SVIL: variants seen among roughly 807,000 people sequenced by gnomAD.
SVIL encodes the protein supervillin.
Under a neutral mutation model 240.4 loss-of-function variants are expected in SVIL, and 101 were observed. That is an observed-to-expected ratio of 0.42 (90% CI 0.36 to 0.50). SVIL has a LOEUF of 0.50. Among genes scored for constraint, SVIL ranks in the 20% least tolerant of loss-of-function variants. The pLI is 0.01. For synonymous variants in SVIL, 999 were observed against 1,100.0 expected, an observed-to-expected ratio of 0.91 and a Z score of 1.82; for missense variants, 2,512 against 2,818.7, an observed-to-expected ratio of 0.89 and a Z score of 2.46.
intron 13 of SVIL, among the ~76,000 whole-genome samples, chr10:29,526,011 C>T (rs540877932): frequency 6.6e-6 from 1 of 152,236 alleles, no homozygotes; most frequent in South Asian, 2.1e-4. Context: ...TTAGCTTTTG[C>T]GGTTTGGCTC....
At chr10:29,585,763 G>A (rs1956140762) in intron 1 of SVIL, among the ~76,000 whole-genome samples, 1 of 152,190 alleles carries the variant, frequency 6.6e-6, no homozygotes, top group Non-Finnish European at 1.5e-5. Context: ...TGGAGGGAGG[G>A]GAGAACTGAA....
At chr10:29,514,751 T>G (rs1950096073) in intron 16 of SVIL, among the ~76,000 whole-genome samples, 1 of 152,186 alleles carries the variant, frequency 6.6e-6, no homozygotes, top group African/African-American at 2.4e-5. Flanking sequence ...ATCTCGGTTC[T>G]CCCTCCTATA....
intron 1 of SVIL, among the ~76,000 whole-genome samples, chr10:29,599,475 G>A (rs1263006675): frequency 1.3e-5 from 2 of 152,024 alleles, no homozygotes; most frequent in Non-Finnish European, 2.9e-5. Context: ...GAGTGCAGAG[G>A]CATGATCTCA....
chr10:29,462,276 C>CCAT lies in SVIL; in HGVS notation c.6400_6402dup (p.Met2134dup), dbSNP rs1944352973. 1 of 1,613,868 alleles carries CCAT rather than the reference C, an allele frequency of 6.2e-7. No homozygotes were observed. Among genetic ancestry groups the CCAT allele is most frequent in the Non-Finnish European group, 8.5e-7 (1 of 1,179,930 alleles). On this transcript the variant is annotated inframe_insertion and splice_region_variant. Coordinates refer to ENST00000355867, the MANE Select transcript of SVIL (RefSeq NM_021738.3). ...TTCATAGGGCAGGAAAGCGTGCTCA[C>CCAT]CATCTCTGTGATCTCAGCGATGTCC...
rs1056557374 is a variant in SVIL, at chr10:29,559,232, C to T, written c.-51+3969G>A. 6.6e-4 allele frequency among the ~76,000 whole-genome samples: 100 copies of T among 151,986 alleles called. 1 individual carries two copies. Among genetic ancestry groups the T allele is most frequent in the Non-Finnish European group, 1.9e-4 (13 of 67,972 alleles). The stretch of plus-strand genomic sequence containing the variant: ...CAAAAAAATTTTTTGTAATATCAGA[C>T]GTACAGAAAATGTAAGAGATATCCT... On this transcript the variant is annotated intron_variant, in intron 3 of 37. Transcript: ENST00000355867.
intron 17 of SVIL, chr10:29,507,754 A>G: frequency 1.0e-6 from 1 of 985,326 alleles, no homozygotes; most frequent in Non-Finnish European, 1.2e-6. Context: ...ATCGACACAA[A>G]AGACAGGTAT....
At chr10:29,733,002 G>A (rs536138284) in intron 1 of SVIL, among the ~76,000 whole-genome samples, 71 of 152,216 alleles carry the variant, frequency 4.7e-4, no homozygotes, top group African/African-American at 1.2e-3. Context: ...GGAGCTCCTT[G>A]TAAACTCCTT....
At position 29,529,761 on chromosome 10, in the gene SVIL, C is replaced by T; in HGVS notation, c.2190G>A (p.Leu730=). The change falls in exon 12 of 38, where the codon CTG becomes CTA. Residue 730 remains leucine (L), a synonymous_variant. Transcript: ENST00000355867. ...TGGGCTGGGTGAGGGACCTGTCCTG[C>T]AGACGGCGTAGCCTCTGCTCCACAG... ...NTAVEQRLRR[L]QDRSLTQPIT... is the part of the protein sequence containing the mutation. 6.2e-7 allele frequency: 1 copy of T among 1,613,768 alleles called. No individual in the cohort carries two copies. The highest frequency in any genetic ancestry group is 8.5e-7 in the Non-Finnish European group (1 of 1,179,866).
Position 29,488,764 on chromosome 10 carries a change from C to G in SVIL, c.4193-8G>C, listed in dbSNP as rs576095477. 7 of 1,609,424 alleles carry G rather than the reference C, an allele frequency of 4.3e-6. No homozygotes were observed. Among genetic ancestry groups the G allele is most frequent in the Admixed American group, 3.4e-5 (2 of 59,124 alleles). On this transcript the variant is annotated splice_region_variant and splice_polypyrimidine_tract_variant and intron_variant, in intron 22 of 37. Transcript: ENST00000355867. ...AGTTGGAGTTGGAAGACACTGGGCA[C>G]GTTGAATAAGGAAACACAACGCAGG...
At chr10:29,648,568 T>C (rs542729920) in intron 3 of SVIL, among the ~76,000 whole-genome samples, 2 of 152,328 alleles carry the variant, frequency 1.3e-5, no homozygotes, top group Admixed American at 6.5e-5. Context: ...CAGGCTTCTC[T>C]GGAGAGGCAG....
chr10:29,526,395 C>G (rs895084514), intron 13 of SVIL, among the ~76,000 whole-genome samples: 3 of 148,368 alleles, frequency 2.0e-5, no homozygotes, highest in African/African-American at 7.4e-5. Flanking sequence ...ACCTCTGCCT[C>G]CCAGGTTCAA....
At position 29,458,134 on chromosome 10, in the gene SVIL, ACT is replaced by A. The variant is rs1366296098; in HGVS notation, c.*111_*112del. The A allele has an allele frequency of 1.9e-6, 2 of 1,032,698 alleles. No homozygotes were observed. Among genetic ancestry groups the A allele is most frequent in the African/African-American group, 1.6e-5 (1 of 62,286 alleles). 64.0% of individuals were successfully genotyped at this position (1,032,698 alleles called of 1,614,324 possible). A position where few individuals can be genotyped will look rare whatever the true frequency, so the allele number is the denominator to read the frequency against. On this transcript the variant is annotated 3_prime_UTR_variant, in exon 38 of 38. Transcript: ENST00000355867. ...TCTTTAACAATGTCAGGTTCTGAAA[ACT>A]CTGATTGAAAAATACTTTGTGAAAA...
intron 2 of SVIL, among the ~76,000 whole-genome samples, chr10:29,684,946 G>T (rs1217642555): frequency 6.6e-6 from 1 of 152,000 alleles, no homozygotes. Context: ...AGGTTCAGGG[G>T]TATTACACGT....
chr10:29,462,068 C>T (rs1281420206), intron 36 of SVIL, among the ~76,000 whole-genome samples: 1 of 152,186 alleles, frequency 6.6e-6, no homozygotes, highest in Non-Finnish European at 1.5e-5. Context: ...ATTTGGGTAT[C>T]GTGTAGAAAA....
Position 29,465,585 on chromosome 10 carries a change from C to T in SVIL, c.6133+10G>A. The T allele has an allele frequency of 6.3e-7, 1 of 1,598,744 alleles. No homozygotes were observed. Among genetic ancestry groups the T allele is most frequent in the Non-Finnish European group, 8.5e-7 (1 of 1,172,296 alleles). On this transcript the variant is annotated intron_variant, in intron 34 of 37. Transcript: ENST00000355867. ...TACTGCTCAGCATAGCTGCCCCCTG[C>T]AGGCCTTACCTGGCTGGGGCGCGCT...
intron 17 of SVIL, 125 bp downstream of exon 17, chr10:29,512,610 A>G: frequency 6.5e-7 from 1 of 1,531,090 alleles, no homozygotes; most frequent in Non-Finnish European, 8.9e-7. Context: ...CTCAGTGTGT[A>G]CCCTAAGGGC....
intron 7 of SVIL, among the ~76,000 whole-genome samples, chr10:29,535,628 G>A (rs1291604248): frequency 2.0e-5 from 3 of 152,332 alleles, no homozygotes; most frequent in East Asian, 1.9e-4. Flanking sequence ...CAGATGGGAC[G>A]CCGGCTAGCG....
At chr10:29,571,206 G>C (rs1317341349) in intron 1 of SVIL, among the ~76,000 whole-genome samples, 1 of 152,220 alleles carries the variant, frequency 6.6e-6, no homozygotes, top group Non-Finnish European at 1.5e-5. Flanking sequence ...CCACTGGCTG[G>C]AATAGCTCAG....
intron 1 of SVIL, among the ~76,000 whole-genome samples, chr10:29,627,792 G>A (rs1957931255): frequency 6.6e-6 from 1 of 152,190 alleles, no homozygotes; most frequent in Non-Finnish European, 1.5e-5. Context: ...ACCCTATTCT[G>A]AAGCACAATG....
Sources: allele counts gnomAD v4.1 joint callset (sites outside exome capture counted in the v4.1 genomes callset), GRCh38; gene constraint gnomAD v4.1.1; transcripts MANE v1.5; gene names NCBI Gene and HGNC (gene_info 2026-07-23, HGNC 2026-07-21).